HDAC4: variants seen among roughly 807,000 people sequenced by gnomAD.
HDAC4 encodes histone deacetylase 4, also known as histone deacetylase A.
HDAC4 carries 16 observed loss-of-function variants against 135.1 expected under a neutral mutation model. The observed-to-expected ratio is 0.12, with a 90% CI of 0.08 to 0.18. The LOEUF (loss-of-function observed/expected upper bound fraction) is 0.18. Ranked by LOEUF, HDAC4 falls within the 10% of genes least tolerant of loss-of-function variation. The pLI is 1.00. For synonymous variants in HDAC4, 685 were observed against 653.4 expected (o/e 1.05, Z -0.74); for missense variants, 1,143 against 1,511.8 (o/e 0.76, Z 4.05).
intron 2 of HDAC4, among the ~76,000 whole-genome samples, chr2:239,321,804 C>A (rs1421321187): frequency 6.6e-6 from 1 of 152,184 alleles, no homozygotes; most frequent in African/African-American, 2.4e-5. Context: ...AGGACTTCCC[C>A]TAGACACTGG....
chr2:239,162,257 CA>C (rs1320113441), intron 6 of HDAC4: 13 of 455,524 alleles, frequency 2.9e-5, no homozygotes, highest in African/African-American at 2.2e-4. Context: ...GGCTGCCTCA[CA>C]GGGGGACCCA....
chr2:239,201,954 T>C (rs2045782610), intron 3 of HDAC4, among the ~76,000 whole-genome samples: 4 of 152,166 alleles, frequency 2.6e-5, no homozygotes, highest in Admixed American at 2.6e-4. Context: ...CATAATAAGG[T>C]ATGAACTCAG....
At chr2:239,389,044 C>T (rs187133967) in intron 1 of HDAC4, among the ~76,000 whole-genome samples, 9 of 152,272 alleles carry the variant, frequency 5.9e-5, no homozygotes, top group East Asian at 1.9e-4. Flanking sequence ...ACTTCTGGGT[C>T]GGGTGGGGAC....
chr2:239,207,041 G>A (rs1316496705), intron 3 of HDAC4, among the ~76,000 whole-genome samples: 1 of 151,976 alleles, frequency 6.6e-6, no homozygotes, highest in Non-Finnish European at 1.5e-5. Context: ...GACTGCCCTG[G>A]CCTAAGCCAC....
At chr2:239,215,663 T>C (rs2046592477) in intron 3 of HDAC4, among the ~76,000 whole-genome samples, 1 of 151,934 alleles carries the variant, frequency 6.6e-6, no homozygotes, top group Non-Finnish European at 1.5e-5. Context: ...CTCTCTCTAA[T>C]CTCCAGACAG....
At chr2:239,377,067 G>A (rs1695062702) in intron 1 of HDAC4, among the ~76,000 whole-genome samples, 1 of 152,110 alleles carries the variant, frequency 6.6e-6, no homozygotes. Flanking sequence ...GCGTGCTTCA[G>A]AGACATCCCC....
intron 1 of HDAC4, among the ~76,000 whole-genome samples, chr2:239,368,351 G>C (rs1398294372): frequency 6.6e-6 from 1 of 152,168 alleles, no homozygotes; most frequent in Non-Finnish European, 1.5e-5. Context: ...CAAAGGGGGC[G>C]ATGAGAAGAC....
chr2:239,081,709 G>A (rs1023753832), intron 21 of HDAC4, among the ~76,000 whole-genome samples: 15 of 152,222 alleles, frequency 9.9e-5, no homozygotes, highest in African/African-American at 3.4e-4. Flanking sequence ...TGGGCCTGCC[G>A]TTCCTGGGGC....
chr2:239,064,583 C>G (rs999153780), intron 24 of HDAC4, among the ~76,000 whole-genome samples: 7 of 152,182 alleles, frequency 4.6e-5, no homozygotes, highest in Non-Finnish European at 7.3e-5. Context: ...AGACCCTGCT[C>G]TCAAGAGCAG....
intron 2 of HDAC4, among the ~76,000 whole-genome samples, chr2:239,350,698 T>A (rs1225176714): frequency 1.3e-5 from 2 of 152,158 alleles, no homozygotes; most frequent in African/African-American, 4.8e-5. Flanking sequence ...GAGATGGGGT[T>A]TCACTATGTT....
At position 239,167,143 on chromosome 2, in the gene HDAC4, C is replaced by T. The variant is rs148113862; in HGVS notation, c.491-3220G>A. 1.1e-3 allele frequency among the ~76,000 whole-genome samples: 171 copies of T among 152,094 alleles called. No individual in the cohort carries two copies. The highest frequency in any genetic ancestry group is 3.7e-3 in the African/African-American group (155 of 41,490). The stretch of plus-strand genomic sequence containing the variant: ...AGGTTCTCGGTGTGCGGGACGAGGA[C>T]GCCCTCAACACTTTCCAGTAGACCC... On this transcript the variant is annotated intron_variant, in intron 5 of 26. Coordinates refer to ENST00000543185, the MANE Select transcript of HDAC4 (RefSeq NM_001378414.1). This position sits in a 1 kb window ranked among gnomAD's most constrained non-coding sequence, Gnocchi z 4.1.
At chr2:239,187,532 A>T (rs754643777) in intron 4 of HDAC4, among the ~76,000 whole-genome samples, 1 of 152,164 alleles carries the variant, frequency 6.6e-6, no homozygotes, top group Non-Finnish European at 1.5e-5. Flanking sequence ...CCTGGCATGC[A>T]CCTGTTTCCT....
At position 239,054,901 on chromosome 2, in the gene HDAC4, C is replaced by T. The variant is rs72990461; in HGVS notation, c.3004-68G>A. The T allele has an allele frequency of 0.019, 20,362 of 1,044,812 alleles. 271 individuals are homozygous for T. Among genetic ancestry groups the T allele is most frequent in the Middle Eastern group, 0.047 (234 of 4,940 alleles). The allele number at this position is 1,044,812 out of a possible 1,614,324, so 64.7% of individuals were successfully genotyped here. A position where few individuals can be genotyped will look rare whatever the true frequency, so the allele number is the denominator to read the frequency against. On this transcript the variant is annotated intron_variant, in intron 24 of 26. Transcript: ENST00000543185. ...CCACACGTGCGTTAGACGGGTGTTC[C>T]GAGACTGCAACTGTTTCCTGAGCAC...
At chr2:239,102,490 C>G in intron 16 of HDAC4, 1 of 431,446 alleles carries the variant, frequency 2.3e-6, no homozygotes, top group Non-Finnish European at 4.3e-6. Flanking sequence ...GGGCAGCATG[C>G]TGGCTGTGTT....
rs1006161218 is a variant in HDAC4, at chr2:239,082,258, A to G, written c.2533-37T>C. The G allele has an allele frequency of 4.3e-6, 7 of 1,613,910 alleles. No individual in the cohort carries two copies. The African/African-American group carries it at 9.3e-5, about 22-fold the overall frequency. On this transcript the variant is annotated intron_variant, in intron 20 of 26. Coordinates refer to ENST00000543185, the MANE Select transcript of HDAC4 (RefSeq NM_001378414.1). Reference sequence around the variant, plus strand: ...GGGACAACTACTTCAGGGCTGAGGCAGGTATTGGAGGGTGGCCTCCCCTGA... The same window carrying G: ...GGGACAACTACTTCAGGGCTGAGGCGGGTATTGGAGGGTGGCCTCCCCTGA...
chr2:239,291,885 G>A (rs1294526929), intron 2 of HDAC4, among the ~76,000 whole-genome samples: 1 of 152,214 alleles, frequency 6.6e-6, no homozygotes, highest in Non-Finnish European at 1.5e-5. Flanking sequence ...ACATTTGCAT[G>A]AAAATAGAAC....
intron 3 of HDAC4, among the ~76,000 whole-genome samples, chr2:239,231,244 G>A (rs571950468): frequency 6.6e-5 from 10 of 152,340 alleles, no homozygotes; most frequent in South Asian, 2.1e-4. Flanking sequence ...TCAGGAAACC[G>A]TGGAACGTGC....
At chr2:239,379,705 C>A (rs1695277900) in intron 1 of HDAC4, among the ~76,000 whole-genome samples, 1 of 152,188 alleles carries the variant, frequency 6.6e-6, no homozygotes, top group Admixed American at 6.5e-5. Context: ...CCAAGGAGCC[C>A]CAGGGTGGGG....
At chr2:239,319,911 C>A (rs1184573872) in intron 2 of HDAC4, among the ~76,000 whole-genome samples, 1 of 152,088 alleles carries the variant, frequency 6.6e-6, no homozygotes, top group South Asian at 2.1e-4. Context: ...TTGGAAACAG[C>A]AGAATGAAAA....
Sources: allele counts gnomAD v4.1 joint callset (sites outside exome capture counted in the v4.1 genomes callset), GRCh38; gene constraint gnomAD v4.1.1; non-coding constraint Gnocchi (gnomAD v3.1); transcripts MANE v1.5; gene names NCBI Gene and HGNC (gene_info 2026-07-23, HGNC 2026-07-21).